The following NPR3 variants were observed in gnomAD, a reference collection of about 807,000 sequenced individuals.
NPR3 encodes atrial natriuretic peptide receptor 3.
A neutral mutation model predicts 54.5 loss-of-function variants in NPR3; 34 were observed. That is an observed-to-expected ratio of 0.62 (90% CI 0.47 to 0.83). The LOEUF (loss-of-function observed/expected upper bound fraction) is 0.83. Among genes scored for constraint, NPR3 ranks in the 40% least tolerant of loss-of-function variants. NPR3 has a pLI of 0.00. For synonymous variants in NPR3, 289 were observed against 297.1 expected (o/e 0.97, Z 0.28); for missense variants, 674 against 720.8 (o/e 0.94, Z 0.74).
chr5:32,714,655 CAAAACAGTTTCTCCTCT>C (rs1345514730), intron 1 of NPR3, among the ~76,000 whole-genome samples: 1 of 152,072 alleles, frequency 6.6e-6, no homozygotes, highest in Non-Finnish European at 1.5e-5. Context: ...AAATAGGAAA[CAAAACAGTTTCTCCTCT>C]AATCGTCCTC....
chr5:32,789,784 G>A lies in NPR3; in HGVS notation c.*3439G>A. 1 of 517,602 alleles carries A rather than the reference G, an allele frequency of 1.9e-6. No homozygotes were observed. Among genetic ancestry groups the A allele is most frequent in the South Asian group, 1.5e-5 (1 of 68,932 alleles). The allele number at this position is 517,602 out of a possible 1,614,324, so 32.1% of individuals were successfully genotyped here. ...ATTGCATAGATCTCATGCAGATAGT[G>A]ATGGATTCAGAAAGTAGGTTCCAGT... On this transcript the variant is annotated 3_prime_UTR_variant, in exon 8 of 8. Coordinates refer to ENST00000265074, the MANE Select transcript of NPR3 (RefSeq NM_001204375.2).
In NPR3 at chr5:32,702,025, G is replaced by A. The variant is rs556427729; in HGVS notation, c.100+12839G>A. ...TTGCCCAAGGTCTGTAGTAACCACT[G>A]CCTTGCTACCAGTTAGGTTCACTCA... On this transcript the variant is annotated intron_variant, in intron 1 of 5. Transcript: ENST00000509104. 3.3e-5 allele frequency among the ~76,000 whole-genome samples: 5 copies of A among 152,278 alleles called. No homozygotes were observed. In the South Asian group the frequency reaches 1.0e-3, roughly 32 times the overall value.
chr5:32,712,048 G>T lies in NPR3; in HGVS notation c.272G>T (p.Arg91Leu), dbSNP rs374859010. 1.5e-5 allele frequency: 25 copies of T among 1,613,844 alleles called. No homozygotes were observed. The highest frequency in any genetic ancestry group is 1.6e-5 in the Non-Finnish European group (19 of 1,179,810). The change falls in exon 1 of 8, where the codon CGG (arginine) becomes CTG (leucine). Residue 91 changes from arginine (R) to leucine (L), a missense_variant. Arg to Leu is a moderately radical substitution (Grantham distance 102). Coordinates refer to ENST00000265074, the MANE Select transcript of NPR3 (RefSeq NM_001204375.2). ...GTGGAGGGCAACGGGACTGGGAGGC[G>T]GCTTCTGCCGCCGGGCACTCGCTTC... ...RSVEGNGTGR[R>L]LLPPGTRFQV...
At chr5:32,753,624 CTTT>C (rs70961660) in intron 3 of NPR3, among the ~76,000 whole-genome samples, 4,419 of 102,636 alleles carry the variant, frequency 0.043, 111 homozygotes, top group African/African-American at 0.065. Flanking sequence ...TCTCAGCATC[CTTT>C]TTTTTTTTTT....
intron 1 of NPR3, among the ~76,000 whole-genome samples, chr5:32,700,746 A>G (rs1051196686): frequency 3.9e-5 from 6 of 152,178 alleles, no homozygotes; most frequent in African/African-American, 1.4e-4. Context: ...TTATGGCTGC[A>G]TAGTATTCCA....
At position 32,791,197 on chromosome 5, in the gene NPR3, G is replaced by T. The variant is rs999037138; in HGVS notation, c.*4852G>T. ...TGAAGTAGCCCCTGAACAGCATGGA[G>T]TTGCTGTGAGTTTGTTCGTTGCAGA... is the stretch of plus-strand genomic sequence containing the variant. On this transcript the variant is annotated 3_prime_UTR_variant, in exon 8 of 8. Transcript: ENST00000265074. 10 of 167,076 alleles carry T rather than the reference G, an allele frequency of 6.0e-5. No individual in the cohort carries two copies. The highest frequency in any genetic ancestry group is 2.2e-4 in the African/African-American group (9 of 41,442). 10.3% of individuals were successfully genotyped at this position (167,076 alleles called of 1,614,324 possible).
intron 3 of NPR3, among the ~76,000 whole-genome samples, chr5:32,768,021 C>T (rs923922138): frequency 2.0e-5 from 3 of 152,164 alleles, no homozygotes; most frequent in Middle Eastern, 3.2e-3. Flanking sequence ...TATTGCTGCC[C>T]GGCACAGTTG....
At chr5:32,745,354 G>A (rs1416437476) in intron 3 of NPR3, among the ~76,000 whole-genome samples, 2 of 152,162 alleles carry the variant, frequency 1.3e-5, no homozygotes, top group East Asian at 3.9e-4. Flanking sequence ...TACCCGCCTG[G>A]CCTTTTCTGG....
At chr5:32,764,139 C>A (rs1245388790) in intron 3 of NPR3, among the ~76,000 whole-genome samples, 1 of 152,186 alleles carries the variant, frequency 6.6e-6, no homozygotes, top group Non-Finnish European at 1.5e-5. Flanking sequence ...AGCCTACCCT[C>A]TTTCTACTGG....
At chr5:32,728,827 GTGTGTGTGTGTATATATA>G (rs1332979407) in intron 2 of NPR3, among the ~76,000 whole-genome samples, 10 of 81,132 alleles carry the variant, frequency 1.2e-4, no homozygotes, top group South Asian at 4.8e-4. Flanking sequence ...GTGTGTGTGT[GTGTGTGTGTGTATATATA>G]TATATATATA....
Position 32,774,664 on chromosome 5 carries a change from G to A in NPR3, c.1060-44G>A, listed in dbSNP as rs1741947479. The A allele has an allele frequency of 2.6e-6, 4 of 1,525,246 alleles. No homozygotes were observed. In the East Asian group the frequency reaches 6.8e-5, roughly 26 times the overall value. The allele number at this position is 1,525,246 out of a possible 1,614,324, so 94.5% of individuals were successfully genotyped here. On this transcript the variant is annotated intron_variant, in intron 3 of 7. Transcript: ENST00000265074. ...ATTGCTCATCTTATTCCTGGCATGAGTCACTTGGTGTTTTGGTTCACCCAT... is the reference window on the plus strand; with the variant it reads ...ATTGCTCATCTTATTCCTGGCATGAATCACTTGGTGTTTTGGTTCACCCAT...
chr5:32,771,761 A>T (rs1292336840), intron 3 of NPR3, among the ~76,000 whole-genome samples: 1 of 152,174 alleles, frequency 6.6e-6, no homozygotes, highest in Non-Finnish European at 1.5e-5. Context: ...CAACCCTTGT[A>T]CAATAAGAAC....
chr5:32,780,837 C>T (rs748616031), intron 5 of NPR3, 21 bp downstream of exon 5: 6 of 1,103,110 alleles, frequency 5.4e-6, no homozygotes, highest in Non-Finnish European at 8.4e-6. Context: ...GAGACCTCTG[C>T]ACCAGTTGCT....
At chr5:32,707,563 C>T (rs1287858777), upstream of NPR3, among the ~76,000 whole-genome samples, 2 of 152,094 alleles carry the variant, frequency 1.3e-5, no homozygotes, top group African/African-American at 2.4e-5. Context: ...TTGTAATGTT[C>T]TTTCATCTTT....
At chr5:32,753,422 C>T (rs757258039) in intron 3 of NPR3, among the ~76,000 whole-genome samples, 9 of 151,552 alleles carry the variant, frequency 5.9e-5, no homozygotes, top group African/African-American at 1.9e-4. Context: ...TGGAATAGTC[C>T]GATCACTTAA....
At chr5:32,705,166 T>A (rs146960705), upstream of NPR3, among the ~76,000 whole-genome samples, 77 of 152,294 alleles carry the variant, frequency 5.1e-4, no homozygotes, top group African/African-American at 1.7e-3. Context: ...CTGAAGTAAT[T>A]GATGCTTTAA....
chr5:32,741,932 G>A (rs1490571628), intron 3 of NPR3, among the ~76,000 whole-genome samples: 1 of 151,814 alleles, frequency 6.6e-6, no homozygotes, highest in Non-Finnish European at 1.5e-5. Flanking sequence ...TGTTTATCAA[G>A]TTAGGTTAGA....
At position 32,773,160 on chromosome 5, in the gene NPR3, G is replaced by A. The variant is rs533228197; in HGVS notation, c.1060-1548G>A. On this transcript the variant is annotated intron_variant, in intron 3 of 7. Coordinates refer to ENST00000265074, the MANE Select transcript of NPR3 (RefSeq NM_001204375.2). Reference sequence around the variant, plus strand: ...TTTCCCCACTAAGCCATGCCAGGTGGTCATCTACAGAATGCCCAGTTCATT... The same window carrying A: ...TTTCCCCACTAAGCCATGCCAGGTGATCATCTACAGAATGCCCAGTTCATT... Among the ~76,000 whole-genome samples, 3 of 152,256 alleles carry A rather than the reference G, an allele frequency of 2.0e-5. No homozygotes were observed. The South Asian group carries it at 6.2e-4, about 32-fold the overall frequency.
At chr5:32,724,933 C>A in intron 2 of NPR3, 113 bp downstream of exon 2, 1 of 1,153,034 alleles carries the variant, frequency 8.7e-7, no homozygotes, top group African/African-American at 1.5e-5. Flanking sequence ...CCATGGAATA[C>A]TATGCAGCTT....
Sources: allele counts gnomAD v4.1 joint callset (sites outside exome capture counted in the v4.1 genomes callset), GRCh38; gene constraint gnomAD v4.1.1; transcripts MANE v1.5; gene names NCBI Gene and HGNC (gene_info 2026-07-23, HGNC 2026-07-21).